IL23R: variants seen among roughly 807,000 people sequenced by gnomAD.
IL23R encodes interleukin 23 receptor, also known as interleukin-23 receptor.
IL23R carries 34 observed loss-of-function variants against 56.9 expected under a neutral mutation model. The ratio of observed to expected loss-of-function variants is 0.60; its 90% CI spans 0.45 to 0.80. The LOEUF (loss-of-function observed/expected upper bound fraction) is 0.80, where lower values mean the gene tolerates loss of function less well. IL23R is among the 30% of genes least tolerant of loss of function. The pLI, the probability that IL23R is intolerant of heterozygous loss-of-function variation, is 0.00. For missense variants in IL23R, 635 were observed against 730.0 expected, an observed-to-expected ratio of 0.87 and a Z score of 1.50; for synonymous variants, 230 against 249.2, an observed-to-expected ratio of 0.92 and a Z score of 0.73.
At chr1:67,163,436 TCCA>T (rs1646840293), upstream of IL23R, among the ~76,000 whole-genome samples, 1 of 112,478 alleles carries the variant, frequency 8.9e-6, no homozygotes, top group African/African-American at 3.5e-5. Flanking sequence ...GCCACTGCAC[TCCA>T]GCCTGGGCCA....
At chr1:67,245,778 T>G (rs1372762073) in intron 9 of IL23R, among the ~76,000 whole-genome samples, 1 of 152,184 alleles carries the variant, frequency 6.6e-6, no homozygotes, top group East Asian at 1.9e-4. Flanking sequence ...TTCTTTTTTT[T>G]GTTGTGTCTC....
chr1:67,238,310 G>A (rs887664323), intron 8 of IL23R, among the ~76,000 whole-genome samples: 22 of 146,558 alleles, frequency 1.5e-4, no homozygotes, highest in African/African-American at 4.3e-4. Context: ...CTGCATTCCC[G>A]CCTGGGCAAC....
intron 1 of IL23R, among the ~76,000 whole-genome samples, chr1:67,143,372 G>C (rs1293954595): frequency 1.3e-5 from 2 of 152,156 alleles, no homozygotes; most frequent in African/African-American, 4.8e-5. Flanking sequence ...GCAAAAACAA[G>C]GATTTTGAGT....
intron 7 of IL23R, among the ~76,000 whole-genome samples, chr1:67,230,412 C>T (rs1368307285): frequency 6.6e-6 from 1 of 152,160 alleles, no homozygotes. Context: ...ATCTGTTGGC[C>T]ACTGTGTAGA....
At chr1:67,261,448 TAAAA>T (rs35299982), downstream of IL23R, among the ~76,000 whole-genome samples, 1 of 142,466 alleles carries the variant, frequency 7.0e-6, no homozygotes, top group Non-Finnish European at 1.5e-5. Flanking sequence ...TTACATAGTG[TAAAA>T]AAAAAAAAAA....
intron 7 of IL23R, among the ~76,000 whole-genome samples, chr1:67,235,925 G>A (rs1651443261): frequency 6.6e-6 from 1 of 152,184 alleles, no homozygotes; most frequent in African/African-American, 2.4e-5. Context: ...CAATCTCAGG[G>A]ATCCAAGGCT....
At chr1:67,174,900 C>T (rs1646988323) in intron 3 of IL23R, among the ~76,000 whole-genome samples, 2 of 152,124 alleles carry the variant, frequency 1.3e-5, no homozygotes, top group South Asian at 4.2e-4. Context: ...GCAAGATGGC[C>T]ACCAGCAACT....
At chr1:67,168,229 A>G (rs1646897407) in intron 2 of IL23R, 39 bp downstream of exon 2, 1 of 1,339,708 alleles carries the variant, frequency 7.5e-7, no homozygotes, top group Non-Finnish European at 1.1e-6. Flanking sequence ...CTTTCATTCA[A>G]CAAATGGAAT....
chr1:67,150,925 C>A (rs761287692), intron 1 of IL23R, among the ~76,000 whole-genome samples: 1 of 152,040 alleles, frequency 6.6e-6, no homozygotes, highest in East Asian at 1.9e-4. Context: ...TGTATGTGCA[C>A]GTATCTTTGT....
At chr1:67,221,845 G>C (rs1191857025) in intron 7 of IL23R, among the ~76,000 whole-genome samples, 1 of 152,038 alleles carries the variant, frequency 6.6e-6, no homozygotes, top group African/African-American at 2.4e-5. Flanking sequence ...TTGCTGCAAA[G>C]CTCTTCTGGT....
chr1:67,188,078 A>G (rs1294205123), intron 4 of IL23R, among the ~76,000 whole-genome samples: 1 of 152,172 alleles, frequency 6.6e-6, no homozygotes, highest in Non-Finnish European at 1.5e-5. Context: ...AAAGAAAAAT[A>G]AAAAAACTCA....
intron 4 of IL23R, among the ~76,000 whole-genome samples, chr1:67,197,734 C>T (rs150232126): frequency 5.3e-4 from 80 of 152,248 alleles, no homozygotes; most frequent in African/African-American, 1.7e-3. Flanking sequence ...CACTTGAGCT[C>T]AGAGCTCGAG....
At chr1:67,256,809 G>A (rs775306711) in intron 10 of IL23R, among the ~76,000 whole-genome samples, 4 of 152,104 alleles carry the variant, frequency 2.6e-5, no homozygotes, top group African/African-American at 4.8e-5. Flanking sequence ...TTCAAGCTCT[G>A]GTAAGCCTAT....
chr1:67,254,083 T>A (rs1405891848), intron 9 of IL23R, among the ~76,000 whole-genome samples: 2 of 152,018 alleles, frequency 1.3e-5, no homozygotes, highest in Non-Finnish European at 2.9e-5. Flanking sequence ...TATTATTATT[T>A]TTTGAGACAG....
At chr1:67,188,138 A>T (rs958990992) in intron 4 of IL23R, among the ~76,000 whole-genome samples, 2 of 152,230 alleles carry the variant, frequency 1.3e-5, no homozygotes, top group Non-Finnish European at 2.9e-5. Flanking sequence ...GGTCATAATT[A>T]TATGTAGTAA....
chr1:67,139,412 C>G (rs568781282), intron 1 of IL23R, among the ~76,000 whole-genome samples: 2 of 152,296 alleles, frequency 1.3e-5, no homozygotes, highest in African/African-American at 4.8e-5. Flanking sequence ...CCAGCACTCT[C>G]CCTGTCACCA....
rs372516498 is a variant in IL23R at position 67,213,559 on chromosome 1, C to T, written c.799-6015C>T. On this transcript the variant is annotated intron_variant, in intron 6 of 10. Coordinates refer to ENST00000347310, the MANE Select transcript of IL23R (RefSeq NM_144701.3). ...GATGGATGGCATATATGATGGTGGTCCCATAAACTTATCATGCAGCTGAAA... is the reference window on the plus strand; with the variant it reads ...GATGGATGGCATATATGATGGTGGTTCCATAAACTTATCATGCAGCTGAAA... 5.9e-5 allele frequency among the ~76,000 whole-genome samples: 9 copies of T among 152,226 alleles called. No homozygotes were observed. In the East Asian group the frequency reaches 1.4e-3, roughly 23 times the overall value.
At chr1:67,174,724 G>A (rs1646986696) in intron 3 of IL23R, among the ~76,000 whole-genome samples, 2 of 151,956 alleles carry the variant, frequency 1.3e-5, no homozygotes, top group South Asian at 4.2e-4. Flanking sequence ...AAAATTCTAG[G>A]TGTCATTCTA....
chr1:67,204,527 A>C (rs967019809), intron 5 of IL23R, among the ~76,000 whole-genome samples: 1 of 152,178 alleles, frequency 6.6e-6, no homozygotes, highest in Non-Finnish European at 1.5e-5. Context: ...TGTGATTCTT[A>C]CTGTGCTATC....
Sources: allele counts gnomAD v4.1 joint callset (sites outside exome capture counted in the v4.1 genomes callset), GRCh38; gene constraint gnomAD v4.1.1; transcripts MANE v1.5; gene names NCBI Gene and HGNC (gene_info 2026-07-23, HGNC 2026-07-21).